Variants in ITPKB observed in about 807,000 individuals in gnomAD.
ITPKB encodes the protein inositol-trisphosphate 3-kinase B.
ITPKB carries 13 observed loss-of-function variants against 69.4 expected under a neutral mutation model. The observed-to-expected ratio is 0.19, with a 90% CI of 0.12 to 0.30. The LOEUF (loss-of-function observed/expected upper bound fraction) is 0.30, where lower values mean the gene tolerates loss of function less well. Ranked by LOEUF, ITPKB falls within the 10% of genes least tolerant of loss-of-function variation. The pLI, the probability that ITPKB is intolerant of heterozygous loss-of-function variation, is 1.00. For synonymous variants in ITPKB, 584 were observed against 513.7 expected (o/e 1.14, Z -1.85); for missense variants, 1,240 against 1,250.5 (o/e 0.99, Z 0.13).
In ITPKB at chr1:226,736,379, C is replaced by G. The variant is rs1657763205; in HGVS notation, c.1080G>C (p.Arg360Ser). ...LGSETSPAPERGGPRDGEPPG... is the reference protein window; with the variant it reads ...LGSETSPAPESGGPRDGEPPG... Reference sequence around the variant, plus strand: ...GGGGTTCTCCATCGCGGGGCCCGCCCCTTTCTGGGGCTGGGCTTGTCTCAC... The same window carrying G: ...GGGGTTCTCCATCGCGGGGCCCGCCGCTTTCTGGGGCTGGGCTTGTCTCAC... Residue 360 changes from arginine (R) to serine (S), a missense_variant, in exon 2 of 8, where the codon AGG (arginine) becomes AGC (serine). Around this residue, in one of 2 missense-constraint regions of ITPKB, gnomAD observed 992 missense variants for 853.8 expected, o/e 1.16. Coordinates refer to ENST00000429204, the MANE Select transcript of ITPKB (RefSeq NM_002221.4). 6.2e-7 allele frequency: 1 copy of G among 1,612,550 alleles called. No homozygotes were observed. Among genetic ancestry groups the G allele is most frequent in the African/African-American group, 1.3e-5 (1 of 75,032 alleles).
At chr1:226,694,400 T>C (rs1395023258) in intron 2 of ITPKB, among the ~76,000 whole-genome samples, 1 of 152,232 alleles carries the variant, frequency 6.6e-6, no homozygotes, top group East Asian at 1.9e-4. Context: ...CTGAGACTGA[T>C]CCTAGTCAAC....
intron 2 of ITPKB, chr1:226,707,241 G>T: frequency 3.0e-6 from 1 of 331,396 alleles, no homozygotes; most frequent in Non-Finnish European, 4.3e-6. Context: ...TTTCGCCCAG[G>T]CTGGAGTGCA....
At chr1:226,713,209 G>C (rs1657015263) in intron 2 of ITPKB, among the ~76,000 whole-genome samples, 1 of 152,100 alleles carries the variant, frequency 6.6e-6, no homozygotes, top group Admixed American at 6.5e-5. Flanking sequence ...TTTCTAGAAT[G>C]CCCCCGCCCC....
Position 226,641,997 on chromosome 1 carries a change from G to C in ITPKB, c.2375C>G (p.Thr792Ser). ...CCGCCACTGCATGTACCGTGGCTTGGTCACAGCCCGCTGTGCTTTTTCCTC... is the reference window on the plus strand; with the variant it reads ...CCGCCACTGCATGTACCGTGGCTTGCTCACAGCCCGCTGTGCTTTTTCCTC... The part of the protein sequence containing the change: ...TEEEKAQRAV[T>S]KPRYMQWRET... Residue 792 changes from threonine (T) to serine (S), a missense_variant, in exon 5 of 8, where the codon ACC becomes AGC. Thr to Ser is a moderately conservative substitution (Grantham distance 58, BLOSUM62 1). This residue lies in a region of ITPKB where 248 missense variants were observed against 396.7 expected (regional missense o/e 0.63). Coordinates refer to ENST00000429204, the MANE Select transcript of ITPKB (RefSeq NM_002221.4). This position sits in a 1 kb window ranked among gnomAD's most constrained non-coding sequence, Gnocchi z 4.6. 1.2e-6 allele frequency: 2 copies of C among 1,614,224 alleles called. No homozygotes were observed. Among genetic ancestry groups the C allele is most frequent in the Non-Finnish European group, 1.7e-6 (2 of 1,180,048 alleles).
In ITPKB at chr1:226,707,680, C is replaced by T. The variant is rs1300231063; in HGVS notation, c.1932+27847G>A. ...TCACAAGGAAACATGTAGAGTCCCTCTTGAAAACTAAAGAATTACAAATTA... is the reference window on the plus strand; with the variant it reads ...TCACAAGGAAACATGTAGAGTCCCTTTTGAAAACTAAAGAATTACAAATTA... On this transcript the variant is annotated intron_variant, in intron 2 of 7. Coordinates refer to ENST00000429204, the MANE Select transcript of ITPKB (RefSeq NM_002221.4). 3 of 1,027,720 alleles carry T rather than the reference C, an allele frequency of 2.9e-6. No individual in the cohort carries two copies. The East Asian group carries it at 3.2e-4, about 109-fold the overall frequency. The allele number at this position is 1,027,720 out of a possible 1,614,324, so 63.7% of individuals were successfully genotyped here. A position where few individuals can be genotyped will look rare whatever the true frequency, so the allele number is the denominator to read the frequency against.
chr1:226,639,207 G>A (rs1312712472), intron 6 of ITPKB, among the ~76,000 whole-genome samples: 2 of 152,092 alleles, frequency 1.3e-5, no homozygotes, highest in Non-Finnish European at 2.9e-5. Context: ...ACAGGCATGC[G>A]CCACCATGTC....
chr1:226,650,405 T>C (rs915118793), intron 2 of ITPKB, among the ~76,000 whole-genome samples: 2 of 152,210 alleles, frequency 1.3e-5, no homozygotes, highest in African/African-American at 4.8e-5. Context: ...GGGCCGAGGC[T>C]TTACTGACAA....
At position 226,737,515 on chromosome 1, in the gene ITPKB, C is replaced by G; in HGVS notation, c.-57G>C. 7.0e-7 allele frequency: 1 copy of G among 1,433,790 alleles called. No homozygotes were observed. The highest frequency in any genetic ancestry group is 2.7e-5 in the East Asian group (1 of 36,446). The allele number at this position is 1,433,790 out of a possible 1,614,324, so 88.8% of individuals were successfully genotyped here. On this transcript the variant is annotated 5_prime_UTR_variant, in exon 2 of 8. Coordinates refer to ENST00000429204, the MANE Select transcript of ITPKB (RefSeq NM_002221.4). ...GCTCCCGCTCCTGCTCCGCCGCCGG[C>G]GCCTCCTCCTCCCGGCGCTCCCGGC...
chr1:226,694,370 G>A (rs1050776714), intron 2 of ITPKB, among the ~76,000 whole-genome samples: 4 of 152,124 alleles, frequency 2.6e-5, no homozygotes, highest in African/African-American at 7.2e-5. Context: ...GCTTTTATTA[G>A]GACCCTAGAA....
chr1:226,691,957 C>A (rs903994621), intron 2 of ITPKB, among the ~76,000 whole-genome samples: 3 of 152,320 alleles, frequency 2.0e-5, no homozygotes, highest in South Asian at 4.1e-4. Flanking sequence ...TTCCTCTGGG[C>A]TCCCAGGTAC....
rs1251792772 is a variant in ITPKB at position 226,639,667 on chromosome 1, G to GAA, written c.2452-10_2452-9insTT. The GAA allele has an allele frequency of 6.3e-7, 1 of 1,594,722 alleles. No homozygotes were observed. Among genetic ancestry groups the GAA allele is most frequent in the Non-Finnish European group, 8.6e-7 (1 of 1,162,378 alleles). On this transcript the variant is annotated splice_polypyrimidine_tract_variant and intron_variant, in intron 5 of 7. Coordinates refer to ENST00000429204, the MANE Select transcript of ITPKB (RefSeq NM_002221.4). ...ACGGTGCCGTCTTCTTTCTGAGAAAGAGAACACCCCACCCAGGAGGGGGTC... is the reference window on the plus strand; with the variant it reads ...ACGGTGCCGTCTTCTTTCTGAGAAAGAAAGAACACCCCACCCAGGAGGGGGTC...
intron 2 of ITPKB, among the ~76,000 whole-genome samples, chr1:226,717,922 T>C (rs951611890): frequency 2.6e-5 from 4 of 152,238 alleles, no homozygotes; most frequent in African/African-American, 4.8e-5. Context: ...GTGGAATTGT[T>C]CATTTTCTAA....
intron 2 of ITPKB, among the ~76,000 whole-genome samples, chr1:226,670,343 T>C (rs1669590909): frequency 6.6e-6 from 1 of 152,088 alleles, no homozygotes; most frequent in Non-Finnish European, 1.5e-5. Context: ...CATAAAAATG[T>C]TTCAACCTTT....
At chr1:226,653,935 C>T (rs916111571) in intron 2 of ITPKB, among the ~76,000 whole-genome samples, 16 of 152,218 alleles carry the variant, frequency 1.1e-4, no homozygotes, top group Non-Finnish European at 2.1e-4. Flanking sequence ...CTGCTGCTGA[C>T]ATTTGTCACC....
At chr1:226,655,014 G>A (rs1669264029) in intron 2 of ITPKB, among the ~76,000 whole-genome samples, 1 of 150,804 alleles carries the variant, frequency 6.6e-6, no homozygotes, top group Non-Finnish European at 1.5e-5. Flanking sequence ...GTACGAAGAG[G>A]AAAGAGGAGG....
Position 226,637,713 on chromosome 1 carries a change from G to A in ITPKB, c.2591C>T (p.Thr864Ile). The change falls in exon 7 of 8, where the codon ACT becomes ATT. Residue 864 changes from threonine to isoleucine, a missense_variant. Around this residue, in one of 2 missense-constraint regions of ITPKB, gnomAD observed 248 missense variants for 396.7 expected, o/e 0.63. Coordinates refer to ENST00000429204, the MANE Select transcript of ITPKB (RefSeq NM_002221.4). This position sits in a 1 kb window ranked among gnomAD's most constrained non-coding sequence, Gnocchi z 4.3. Reference sequence around the variant, plus strand: ...CTTGAAGAAGGGAGAAACTTCTAGAGTGGTTCGAATGGCCTTCAGCCGGTC... The same window carrying A: ...CTTGAAGAAGGGAGAAACTTCTAGAATGGTTCGAATGGCCTTCAGCCGGTC... ...YRDRLKAIRT[T>I]LEVSPFFKCH... 1.2e-6 allele frequency: 2 copies of A among 1,614,108 alleles called. No individual in the cohort carries two copies. Among genetic ancestry groups the A allele is most frequent in the Non-Finnish European group, 1.7e-6 (2 of 1,179,934 alleles).
chr1:226,677,521 A>G (rs1272408109), intron 2 of ITPKB, among the ~76,000 whole-genome samples: 1 of 152,178 alleles, frequency 6.6e-6, no homozygotes, highest in Non-Finnish European at 1.5e-5. Flanking sequence ...CAGCCCCAGG[A>G]TCAGAAGCCC....
intron 2 of ITPKB, among the ~76,000 whole-genome samples, chr1:226,683,273 AT>A (rs1262473777): frequency 1.3e-5 from 2 of 152,114 alleles, no homozygotes; most frequent in Non-Finnish European, 2.9e-5. Context: ...TGCCTACATG[AT>A]TCTTTCTCCT....
chr1:226,707,988 T>TATGGAA, intron 2 of ITPKB: 1 of 920,682 alleles, frequency 1.1e-6, no homozygotes, highest in Non-Finnish European at 1.5e-6. Flanking sequence ...TGCAACAAAA[T>TATGGAA]ATGGAAACTA....
Sources: allele counts gnomAD v4.1 joint callset (sites outside exome capture counted in the v4.1 genomes callset), GRCh38; gene constraint gnomAD v4.1.1; regional missense constraint gnomAD v4.1.1; non-coding constraint Gnocchi (gnomAD v3.1); transcripts MANE v1.5; gene names NCBI Gene and HGNC (gene_info 2026-07-23, HGNC 2026-07-21).